SASH1: variants seen among roughly 807,000 people sequenced by gnomAD.
The protein encoded by SASH1 is SAM and SH3 domain-containing protein 1.
In SASH1, 44 loss-of-function variants were observed where a neutral mutation model predicts 125.2. The ratio of observed to expected loss-of-function variants is 0.35; its 90% confidence interval spans 0.28 to 0.45. SASH1 has a LOEUF of 0.45. SASH1 is among the 20% of genes least tolerant of loss of function. The pLI, the probability that SASH1 is intolerant of heterozygous loss-of-function variation, is 1.00. For missense variants in SASH1, 1,426 were observed against 1,614.5 expected (o/e 0.88, Z 2.00); for synonymous variants, 639 against 649.1 (o/e 0.98, Z 0.24).
rs763558266 is a variant in SASH1 at position 148,497,960 on chromosome 6, G to T, written c.729+10245G>T. ...GTGTGTGTTCCATACCTGTTATGTC[G>T]GAAGGCACTCTCATGGCAGGCCCAT... On this transcript the variant is annotated intron_variant, in intron 8 of 19. Transcript: ENST00000367467. 1.2e-4 allele frequency among the ~76,000 whole-genome samples: 18 copies of T among 152,062 alleles called. 1 individual carries two copies. The highest frequency in any genetic ancestry group is 1.5e-5 in the Non-Finnish European group (1 of 68,014).
chr6:148,292,118 G>A (rs558258463), intron 1 of SASH1, among the ~76,000 whole-genome samples: 1 of 152,132 alleles, frequency 6.6e-6, no homozygotes, highest in African/African-American at 2.4e-5. Context: ...TGTTTTTCAG[G>A]GTTACTTGAG....
chr6:148,406,312 G>A (rs1193500389), intron 2 of SASH1, among the ~76,000 whole-genome samples: 1 of 151,974 alleles, frequency 6.6e-6, no homozygotes, highest in Non-Finnish European at 1.5e-5. Flanking sequence ...GCTGATACGA[G>A]TAAAATCTAT....
At chr6:148,237,778 C>G in the SASH1 span, among the ~76,000 whole-genome samples, 1 of 152,134 alleles carries the variant, frequency 6.6e-6, no homozygotes, top group Non-Finnish European at 1.5e-5. Flanking sequence ...CTAAAAATTC[C>G]CTGGACAGTA....
At position 148,548,522 on chromosome 6, in the gene SASH1, A is replaced by G. The variant is rs770602240; in HGVS notation, c.3708A>G (p.Arg1236=). 6.2e-7 allele frequency: 1 copy of G among 1,611,984 alleles called. No homozygotes were observed. The highest frequency in any genetic ancestry group is 1.1e-5 in the South Asian group (1 of 90,724). The change falls in exon 20 of 20, where the codon AGA becomes AGG. Residue 1236 remains arginine (R), a synonymous_variant. Coordinates refer to ENST00000367467, the MANE Select transcript of SASH1 (RefSeq NM_015278.5). ...TAAGAAAGCTCCTATCTGCAGCCAG[A>G]CTCTTCAAACTGCCGCCAGGCCCTG... ...RHIRKLLSAA[R]LFKLPPGPEA...
the SASH1 span, among the ~76,000 whole-genome samples, chr6:148,242,927 A>AT: frequency 1.5e-4 from 23 of 150,396 alleles, no homozygotes; most frequent in South Asian, 8.4e-4. Context: ...TCAATATGTG[A>AT]TTTTTTTTTT....
chr6:148,505,713 C>G (rs923426327), intron 8 of SASH1, among the ~76,000 whole-genome samples: 2 of 151,500 alleles, frequency 1.3e-5, no homozygotes, highest in African/African-American at 4.9e-5. Flanking sequence ...TCTCAGCTCA[C>G]TGCAACCTCT....
At chr6:148,437,173 TTA>T (rs1776327334) in intron 2 of SASH1, among the ~76,000 whole-genome samples, 1 of 152,222 alleles carries the variant, frequency 6.6e-6, no homozygotes, top group South Asian at 2.1e-4. Flanking sequence ...CTCATCAGTG[TTA>T]TAATAACGGA....
At chr6:148,426,870 C>T (rs930627536) in intron 2 of SASH1, among the ~76,000 whole-genome samples, 14 of 152,148 alleles carry the variant, frequency 9.2e-5, no homozygotes, top group African/African-American at 3.4e-4. Context: ...CACGGTGGCT[C>T]ACACGGGTAA....
At chr6:148,476,316 G>T (rs1778343822) in intron 7 of SASH1, among the ~76,000 whole-genome samples, 1 of 148,468 alleles carries the variant, frequency 6.7e-6, no homozygotes, top group Non-Finnish European at 1.5e-5. Flanking sequence ...CCTGTTCACG[G>T]ATTAGAAGAA....
chr6:148,289,914 C>T (rs994181947), intron 1 of SASH1, among the ~76,000 whole-genome samples: 2 of 127,142 alleles, frequency 1.6e-5, no homozygotes, highest in South Asian at 5.1e-4. Context: ...GTAGCCCAGG[C>T]TGGAGTGCAG....
chr6:148,497,793 G>A (rs930009364), intron 8 of SASH1, among the ~76,000 whole-genome samples: 3 of 152,200 alleles, frequency 2.0e-5, no homozygotes, highest in African/African-American at 7.2e-5. Flanking sequence ...GCATTATTGT[G>A]TAAGTGGGTT....
At chr6:148,462,296 CTTTTCTTTTTTTT>C (rs1485255160) in intron 4 of SASH1, among the ~76,000 whole-genome samples, 1 of 149,318 alleles carries the variant, frequency 6.7e-6, no homozygotes, top group South Asian at 2.1e-4. Flanking sequence ...TTTTTCTTTT[CTTTTCTTTTTTTT>C]TTTTCTTGGT....
the SASH1 span, among the ~76,000 whole-genome samples, chr6:148,250,347 T>A: frequency 6.6e-6 from 1 of 152,168 alleles, no homozygotes; most frequent in Non-Finnish European, 1.5e-5. Context: ...CTCTGCAACC[T>A]CCAGTTTCTA....
intron 9 of SASH1, among the ~76,000 whole-genome samples, chr6:148,515,555 A>C (rs1467396497): frequency 6.6e-6 from 1 of 152,200 alleles, no homozygotes; most frequent in Non-Finnish European, 1.5e-5. Flanking sequence ...AAACAAAAAC[A>C]TGGGGAGAGA....
chr6:148,514,343 A>G lies in SASH1; in HGVS notation c.749A>G (p.Asp250Gly), dbSNP rs1780315536. The change falls in exon 9 of 20, where the codon GAT becomes GGT. Residue 250 changes from aspartate (D) to glycine (G), a missense_variant. This residue lies in a region of SASH1 where 567 missense variants were observed against 575.6 expected (regional missense o/e 0.99). Transcript: ENST00000367467. ...SNCNSREQSDDETEESVKFKR... is the reference protein window; with the variant it reads ...SNCNSREQSDGETEESVKFKR... Reference sequence around the variant, plus strand: ...TGCCAGTCAAGAGAACAATCGGATGATGAGACTGAGGAGTCGGTGAAGTTT... The same window carrying G: ...TGCCAGTCAAGAGAACAATCGGATGGTGAGACTGAGGAGTCGGTGAAGTTT... The G allele has an allele frequency of 2.5e-6, 4 of 1,607,254 alleles. No individual in the cohort carries two copies. In the South Asian group the frequency reaches 4.4e-5, roughly 18 times the overall value.
chr6:148,264,611 C>A, the SASH1 span, among the ~76,000 whole-genome samples: 30 of 152,326 alleles, frequency 2.0e-4, no homozygotes, highest in Middle Eastern at 6.8e-3. Context: ...GTCATGTTGT[C>A]CACACCCAGT....
chr6:148,227,400 C>G, the SASH1 span, among the ~76,000 whole-genome samples: 2 of 152,144 alleles, frequency 1.3e-5, no homozygotes, highest in Non-Finnish European at 2.9e-5. Context: ...CTCTGTTGCC[C>G]AGGCTGGGGT....
chr6:148,491,203 T>G (rs944393956), intron 8 of SASH1, among the ~76,000 whole-genome samples: 1 of 152,262 alleles, frequency 6.6e-6, no homozygotes, highest in Non-Finnish European at 1.5e-5. Flanking sequence ...ACTGTATTCT[T>G]TGTCTCTCCA....
chr6:148,351,650 CTTTT>C (rs67177596), intron 1 of SASH1, among the ~76,000 whole-genome samples: 1 of 116,022 alleles, frequency 8.6e-6, no homozygotes, highest in African/African-American at 3.3e-5. Context: ...TTACTCACCG[CTTTT>C]TTTTTTTTTT....
Sources: gnomAD v4.1 joint callset for allele counts (sites outside exome capture counted in the v4.1 genomes callset) on GRCh38, gnomAD v4.1.1 for gene constraint, gnomAD v4.1.1 regional missense constraint, MANE v1.5 for transcripts, NCBI Gene and HGNC (gene_info 2026-07-23, HGNC 2026-07-21) for gene names.